The following WDR20 variants were observed in gnomAD, a reference collection of about 807,000 sequenced individuals.
WDR20 encodes WD repeat-containing protein 20.
A neutral mutation model predicts 38.7 loss-of-function variants in WDR20; 3 were observed. That is an observed-to-expected ratio of 0.08 (90% CI 0.04 to 0.20). The LOEUF (loss-of-function observed/expected upper bound fraction) is 0.20. Ranked by LOEUF, WDR20 falls within the 10% of genes least tolerant of loss-of-function variation. WDR20 has a pLI of 1.00. For synonymous variants in WDR20, 298 were observed against 285.6 expected (o/e 1.04, Z -0.44); for missense variants, 559 against 727.7 (o/e 0.77, Z 2.67).
Position 102,220,614 on chromosome 14 carries a change from G to A in WDR20, c.1693-2216G>A, listed in dbSNP as rs1306816162. Among the ~76,000 whole-genome samples, 1 of 151,704 alleles carries A rather than the reference G, an allele frequency of 6.6e-6. No homozygotes were observed. Among genetic ancestry groups the A allele is most frequent in the Admixed American group, 6.6e-5 (1 of 15,250 alleles). On this transcript the variant is annotated intron_variant, in intron 3 of 3. Transcript: ENST00000335263. The surrounding 1 kb of genome is among the most constrained non-coding windows in gnomAD (Gnocchi z 4.2). ...AGGCGCCTGTAGTCCAAGGTACTTG[G>A]GAGGCTGAGGCAGGAGAATCACTTG...
intron 1 of WDR20, among the ~76,000 whole-genome samples, chr14:102,150,208 C>T (rs12323572): frequency 0.068 from 10,405 of 152,134 alleles, 1,104 homozygotes; most frequent in African/African-American, 0.22. Context: ...CATAGGATTA[C>T]ATCACGCCTG....
intron 1 of WDR20, among the ~76,000 whole-genome samples, chr14:102,146,321 T>C (rs1483366306): frequency 6.6e-6 from 1 of 152,100 alleles, no homozygotes; most frequent in African/African-American, 2.4e-5. Flanking sequence ...CTTGCCACCA[T>C]GCCCAGCTAA....
chr14:102,181,482 C>CT (rs72280704), intron 1 of WDR20, among the ~76,000 whole-genome samples: 63 of 146,348 alleles, frequency 4.3e-4, no homozygotes, highest in East Asian at 1.2e-3. Flanking sequence ...ACAAGTGTGA[C>CT]TTTTTTTTTT....
intron 1 of WDR20, among the ~76,000 whole-genome samples, chr14:102,170,863 T>C (rs2060660288): frequency 6.6e-6 from 1 of 152,150 alleles, no homozygotes; most frequent in African/African-American, 2.4e-5. Flanking sequence ...AGTTGTCTTC[T>C]GATTTTGCTC....
intron 2 of WDR20, 109 bp downstream of exon 2, chr14:102,195,229 C>T (rs938208752): frequency 9.0e-6 from 11 of 1,223,234 alleles, no homozygotes; most frequent in Non-Finnish European, 1.1e-5. Flanking sequence ...ATTTTTTATT[C>T]GCCCAGCCCT....
intron 1 of WDR20, among the ~76,000 whole-genome samples, chr14:102,163,463 A>G (rs2059163861): frequency 6.6e-6 from 1 of 151,944 alleles, no homozygotes; most frequent in South Asian, 2.1e-4. Flanking sequence ...CCGTGTCTCT[A>G]CCAAAAATAC....
chr14:102,188,565 A>G (rs1301521667), intron 1 of WDR20, among the ~76,000 whole-genome samples: 3 of 152,094 alleles, frequency 2.0e-5, no homozygotes, highest in Admixed American at 2.0e-4. Flanking sequence ...TTTCAGTAGT[A>G]TTGTTCCAGA....
At chr14:102,214,752 AAAG>A, downstream of WDR20, 1 of 979,218 alleles carries the variant, frequency 1.0e-6, no homozygotes, top group Non-Finnish European at 1.2e-6. Flanking sequence ...TAAATTTCAT[AAAG>A]AGCCTTCCTA....
At chr14:102,168,737 G>A (rs557411581) in intron 1 of WDR20, among the ~76,000 whole-genome samples, 2 of 151,930 alleles carry the variant, frequency 1.3e-5, no homozygotes, top group South Asian at 2.1e-4. Context: ...TTTTTTTCAC[G>A]ATCTACTTCC....
intron 2 of WDR20, chr14:102,197,623 A>G (rs2059628305): frequency 1.7e-6 from 1 of 597,412 alleles, no homozygotes; most frequent in Non-Finnish European, 3.0e-6. Context: ...CTGGAAAGAT[A>G]AATTGGAACC....
chr14:102,185,529 A>G (rs1452160767), intron 1 of WDR20, among the ~76,000 whole-genome samples: 1 of 151,922 alleles, frequency 6.6e-6, no homozygotes, highest in Non-Finnish European at 1.5e-5. Flanking sequence ...CGATGGCCAG[A>G]CTCTACCACT....
chr14:102,172,913 C>T (rs866455061), intron 1 of WDR20, among the ~76,000 whole-genome samples: 17 of 148,934 alleles, frequency 1.1e-4, no homozygotes, highest in Admixed American at 1.0e-3. Flanking sequence ...TGGGCAGCGA[C>T]GCTCCTCACC....
chr14:102,209,287 G>A lies in WDR20; in HGVS notation c.1117G>A (p.Gly373Ser). 5 of 1,614,142 alleles carry A rather than the reference G, an allele frequency of 3.1e-6. No homozygotes were observed. The African/African-American group carries it at 4.0e-5, about 13-fold the overall frequency. ...VSVTYRFGSV[G>S]QDTQLCLWDL... ...TGTCACGTATCGGTTTGGTTCCGTG[G>A]GCCAGGACACACAGCTCTGTTTATG... Residue 373 changes from glycine to serine, a missense_variant, in exon 3 of 3, where the codon GGC (glycine) becomes AGC (serine). By Grantham distance (56) the Gly-to-Ser change is moderately conservative. Transcript: ENST00000342702. This position sits in a 1 kb window ranked among gnomAD's most constrained non-coding sequence, Gnocchi z 6.0.
chr14:102,213,344 T>C, downstream of WDR20: 1 of 985,490 alleles, frequency 1.0e-6, no homozygotes, highest in Non-Finnish European at 1.2e-6. Flanking sequence ...AAATAACCAG[T>C]AGCCTTGGGG....
intron 2 of WDR20, among the ~76,000 whole-genome samples, chr14:102,204,198 C>G (rs553470086): frequency 3.3e-5 from 5 of 152,240 alleles, no homozygotes; most frequent in East Asian, 1.9e-4. Context: ...TCCCCTGGCA[C>G]TGGTTCGGCT....
At chr14:102,140,876 T>C (rs1158169946) in intron 1 of WDR20, among the ~76,000 whole-genome samples, 1 of 152,220 alleles carries the variant, frequency 6.6e-6, no homozygotes, top group Non-Finnish European at 1.5e-5. Context: ...GAAATGATGT[T>C]TCCAGTGAAC....
At chr14:102,144,642 G>A (rs2052906144) in intron 1 of WDR20, among the ~76,000 whole-genome samples, 1 of 151,844 alleles carries the variant, frequency 6.6e-6, no homozygotes, top group African/African-American at 2.4e-5. Flanking sequence ...ACTTCCTCAG[G>A]AAATTTTTCT....
At chr14:102,144,654 T>C (rs2052912901) in intron 1 of WDR20, among the ~76,000 whole-genome samples, 1 of 152,076 alleles carries the variant, frequency 6.6e-6, no homozygotes, top group Non-Finnish European at 1.5e-5. Flanking sequence ...AATTTTTCTT[T>C]GAATCCCCAT....
chr14:102,219,753 T>C (rs2063670729), downstream of WDR20, among the ~76,000 whole-genome samples: 1 of 152,224 alleles, frequency 6.6e-6, no homozygotes, highest in African/African-American at 2.4e-5. Flanking sequence ...GGCGATGCAT[T>C]CTAAAAGAAC....
Sources: gnomAD v4.1 joint callset for allele counts (sites outside exome capture counted in the v4.1 genomes callset) on GRCh38, gnomAD v4.1.1 for gene constraint, Gnocchi (gnomAD v3.1) non-coding constraint, MANE v1.5 for transcripts, NCBI Gene and HGNC (gene_info 2026-07-23, HGNC 2026-07-21) for gene names.